Variants in ZBTB21 observed in about 807,000 individuals in gnomAD.
The protein encoded by ZBTB21 is zinc finger and BTB domain-containing protein 21.
ZBTB21 carries 10 observed loss-of-function variants against 39.8 expected under a neutral mutation model. The ratio of observed to expected loss-of-function variants is 0.25; its 90% CI spans 0.16 to 0.43. The LOEUF is 0.43. Ranked by LOEUF, ZBTB21 falls within the 20% of genes least tolerant of loss-of-function variation. The pLI, the probability that ZBTB21 is intolerant of heterozygous loss-of-function variation, is 1.00. For missense variants in ZBTB21, 1,221 were observed against 1,296.3 expected, an observed-to-expected ratio of 0.94 and a Z score of 0.89; for synonymous variants, 551 against 498.8, an observed-to-expected ratio of 1.10 and a Z score of -1.40.
rs767789060 is a variant in ZBTB21 at position 41,991,855 on chromosome 21, C to A, written c.2241G>T (p.Ala747=). Residue 747 remains alanine, a synonymous_variant, in exon 3 of 3, where the codon GCG becomes GCT. Coordinates refer to ENST00000310826, the MANE Select transcript of ZBTB21 (RefSeq NM_001098402.2). The surrounding 1 kb of genome is among the most constrained non-coding windows in gnomAD (Gnocchi z 4.9). ...TGAGGCTGCAGTAAGGGCAGACGGC[C>A]GCGTTCCGGCACAGCCGCTCGTGGC... is the stretch of plus-strand genomic sequence containing the variant. ...QGSHERLCRN[A]AVCPYCSLRF... 6 of 1,614,080 alleles carry A rather than the reference C, an allele frequency of 3.7e-6. No individual in the cohort carries two copies. In the African/African-American group the frequency reaches 6.7e-5, roughly 18 times the overall value.
At chr21:42,003,698 T>C (rs1208385201) in intron 1 of ZBTB21, among the ~76,000 whole-genome samples, 2 of 152,210 alleles carry the variant, frequency 1.3e-5, no homozygotes, top group Non-Finnish European at 2.9e-5. Context: ...ATGAGAATAT[T>C]TCAAAATCCC....
intron 1 of ZBTB21, among the ~76,000 whole-genome samples, chr21:42,006,601 T>C (rs1329527700): frequency 1.3e-5 from 2 of 152,106 alleles, no homozygotes; most frequent in East Asian, 3.8e-4. Context: ...ACTCAGAATA[T>C]TAATCACCTT....
intron 2 of ZBTB21, among the ~76,000 whole-genome samples, chr21:41,996,835 C>T (rs1310467117): frequency 6.6e-6 from 1 of 152,160 alleles, no homozygotes; most frequent in South Asian, 2.1e-4. Flanking sequence ...TTCTTATGCT[C>T]TTCTTGTGAT....
chr21:41,994,845 G>C (rs986322052), intron 2 of ZBTB21, among the ~76,000 whole-genome samples: 1 of 152,204 alleles, frequency 6.6e-6, no homozygotes, highest in Non-Finnish European at 1.5e-5. Flanking sequence ...CCCAGTGGGA[G>C]GTAACTGAAT....
intron 2 of ZBTB21, chr21:42,002,373 C>T (rs1382249675): frequency 1.3e-5 from 2 of 152,222 alleles, no homozygotes; most frequent in East Asian, 3.9e-4. Flanking sequence ...ATGCTCCATC[C>T]ATCAAGAATG....
rs770924280 is a variant in ZBTB21 at position 41,991,079 on chromosome 21, C to T, written c.3017G>A (p.Gly1006Asp). The T allele has an allele frequency of 2.5e-6, 4 of 1,609,952 alleles. No individual in the cohort carries two copies. In the South Asian group the frequency reaches 3.3e-5, roughly 13 times the overall value. The change falls in exon 3 of 3, where the codon GGC (glycine) becomes GAC (aspartate). Residue 1006 changes from glycine to aspartate, a missense_variant. Physicochemically the swap from Gly to Asp is moderately conservative, Grantham distance 94. This residue lies in a region of ZBTB21 where 523 missense variants were observed against 542.5 expected (regional missense o/e 0.96). Coordinates refer to ENST00000310826, the MANE Select transcript of ZBTB21 (RefSeq NM_001098402.2). The surrounding 1 kb of genome is among the most constrained non-coding windows in gnomAD (Gnocchi z 4.9). ...IQPLEPDSPT[G>D]LSENPTPATE... ...GGCTGGAGTTGGGTTTTCGGACAGGCCTGTGGGGCTGTCAGGCTCCAGAGG... is the reference window on the plus strand; with the variant it reads ...GGCTGGAGTTGGGTTTTCGGACAGGTCTGTGGGGCTGTCAGGCTCCAGAGG...
At chr21:42,006,809 G>A (rs1054694242) in intron 1 of ZBTB21, among the ~76,000 whole-genome samples, 1 of 152,216 alleles carries the variant, frequency 6.6e-6, no homozygotes, top group African/African-American at 2.4e-5. Flanking sequence ...CTAAACTGAT[G>A]TAACTGGTGT....
chr21:41,994,537 T>C (rs1005860323), intron 2 of ZBTB21, among the ~76,000 whole-genome samples: 2 of 152,234 alleles, frequency 1.3e-5, no homozygotes, highest in Non-Finnish European at 2.9e-5. Context: ...GCTTTATTAC[T>C]ACATATACTT....
At chr21:42,006,325 G>A (rs2065877872) in intron 1 of ZBTB21, among the ~76,000 whole-genome samples, 1 of 151,680 alleles carries the variant, frequency 6.6e-6, no homozygotes, top group African/African-American at 2.4e-5. Context: ...TGAGGCAGGA[G>A]AATCGCTTGA....
At position 41,987,014 on chromosome 21, in the gene ZBTB21, TCTG is replaced by T. The variant is rs557850640; in HGVS notation, c.*3878_*3880del. 3.9e-5 allele frequency: 6 copies of T among 152,794 alleles called. No individual in the cohort carries two copies. The South Asian group carries it at 1.2e-3, about 32-fold the overall frequency. 9.5% of individuals were successfully genotyped at this position (152,794 alleles called of 1,614,324 possible). The stretch of plus-strand genomic sequence containing the variant: ...TAAGTAAAATGGAAAAATGACTTAC[TCTG>T]CTAAGGCATATGACAAAATACACAG... On this transcript the variant is annotated 3_prime_UTR_variant, in exon 3 of 3. Transcript: ENST00000310826.
chr21:42,007,364 A>G (rs184129918), intron 1 of ZBTB21, among the ~76,000 whole-genome samples: 271 of 152,276 alleles, frequency 1.8e-3, no homozygotes, highest in Non-Finnish European at 3.2e-3. Context: ...TTCTATTCCT[A>G]AAGAAAATCC....
At chr21:42,007,667 C>A (rs2146349580) in intron 1 of ZBTB21, among the ~76,000 whole-genome samples, 1 of 152,330 alleles carries the variant, frequency 6.6e-6, no homozygotes, top group Middle Eastern at 3.4e-3. Flanking sequence ...AATTAATCTT[C>A]TTTTACATGT....
At position 41,993,572 on chromosome 21, in the gene ZBTB21, C is replaced by T. The variant is rs753169498; in HGVS notation, c.524G>A (p.Arg175Gln). Residue 175 changes from arginine (R) to glutamine (Q), a missense_variant, in exon 3 of 3, where the codon CGG (arginine) becomes CAG (glutamine). This residue lies in a region of ZBTB21 where 500 missense variants were observed against 465.6 expected (regional missense o/e 1.07). Transcript: ENST00000310826. ...CTTGACTGCAATGCTAGGAGAGGGC[C>T]GGGAAGTATGGCTTACATCGGGTTG... ...QNQPDVSHTS[R>Q]PSPSIAVKAN... The T allele has an allele frequency of 2.2e-5, 36 of 1,614,054 alleles. No individual in the cohort carries two copies. The highest frequency in any genetic ancestry group is 1.6e-4 in the Middle Eastern group (1 of 6,084).
At position 41,991,513 on chromosome 21, in the gene ZBTB21, G is replaced by A. The variant is rs1257603854; in HGVS notation, c.2583C>T (p.Ser861=). ...SEQVNFDSED[S]SCLPEDLSLS... is the part of the protein sequence containing the mutation. ...GACTAAGGTCTTCGGGAAGACAAGA[G>A]GAATCTTCCGAGTCGAAGTTAACTT... is the stretch of plus-strand genomic sequence containing the variant. The change falls in exon 3 of 3, where the codon TCC becomes TCT. Residue 861 remains serine, a synonymous_variant. Transcript: ENST00000310826. This position sits in a 1 kb window ranked among gnomAD's most constrained non-coding sequence, Gnocchi z 4.9. 1.9e-6 allele frequency: 3 copies of A among 1,614,074 alleles called. No individual in the cohort carries two copies. The highest frequency in any genetic ancestry group is 2.5e-6 in the Non-Finnish European group (3 of 1,180,050).
chr21:41,991,774 C>T lies in ZBTB21; in HGVS notation c.2322G>A (p.Lys774=). ...TGCGCATGCACTCGAGGCAGGTCAG[C>T]TTCTTATACTCACACTTGCTCTCGT... The part of the protein sequence containing the change: ...QEHESKCEYK[K]LTCLECMRTF... Residue 774 remains lysine, a synonymous_variant, in exon 3 of 3, where the codon AAG becomes AAA. Transcript: ENST00000310826. The surrounding 1 kb of genome is among the most constrained non-coding windows in gnomAD (Gnocchi z 4.9). The T allele has an allele frequency of 1.2e-6, 2 of 1,614,228 alleles. No individual in the cohort carries two copies. The highest frequency in any genetic ancestry group is 1.7e-6 in the Non-Finnish European group (2 of 1,180,054).
Position 41,991,722 on chromosome 21 carries a change from G to A in ZBTB21, c.2374C>T (p.Arg792Trp), listed in dbSNP as rs1219915702. Residue 792 changes from arginine to tryptophan, a missense_variant, in exon 3 of 3, where the codon CGG becomes TGG. Coordinates refer to ENST00000310826, the MANE Select transcript of ZBTB21 (RefSeq NM_001098402.2). This position sits in a 1 kb window ranked among gnomAD's most constrained non-coding sequence, Gnocchi z 4.9. ...RTFKSSFSIWRHQVEVHNQNN... is the reference protein window; with the variant it reads ...RTFKSSFSIWWHQVEVHNQNN... ...TGATTATGGACTTCAACCTGGTGCCGCCAGATGCTGAAAGAGGACTTGAAG... is the reference window on the plus strand; with the variant it reads ...TGATTATGGACTTCAACCTGGTGCCACCAGATGCTGAAAGAGGACTTGAAG... The A allele has an allele frequency of 5.6e-6, 9 of 1,614,084 alleles. No homozygotes were observed. The highest frequency in any genetic ancestry group is 2.2e-5 in the East Asian group (1 of 44,900).
rs746025143 is a variant in ZBTB21, at chr21:41,991,169, G to C, written c.2927C>G (p.Pro976Arg). 6.2e-7 allele frequency: 1 copy of C among 1,614,178 alleles called. No homozygotes were observed. Among genetic ancestry groups the C allele is most frequent in the Non-Finnish European group, 8.5e-7 (1 of 1,180,044 alleles). Residue 976 changes from proline to arginine, a missense_variant, in exon 3 of 3, where the codon CCT (proline) becomes CGT (arginine). Coordinates refer to ENST00000310826, the MANE Select transcript of ZBTB21 (RefSeq NM_001098402.2). This position sits in a 1 kb window ranked among gnomAD's most constrained non-coding sequence, Gnocchi z 4.9. ...ESAHKESEVC[P>R]VPTNSPSPPP... is the part of the protein sequence containing the mutation. ...TGGAGAGGGAGAGTTTGTGGGAACA[G>C]GGCACACCTCAGATTCCTTATGTGC...
rs1179177788 is a variant in ZBTB21, at chr21:41,987,236, CAA to C, written c.*3657_*3658del. ...ATTTACAGTAAAATACTTTGGTTCC[CAA>C]AAGACTGTCTCTAAAAGGAATTTTT... On this transcript the variant is annotated 3_prime_UTR_variant, in exon 3 of 3. Coordinates refer to ENST00000310826, the MANE Select transcript of ZBTB21 (RefSeq NM_001098402.2). The C allele has an allele frequency of 6.6e-6, 1 of 152,086 alleles. No individual in the cohort carries two copies. Among genetic ancestry groups the C allele is most frequent in the African/African-American group, 2.4e-5 (1 of 41,426 alleles). 9.4% of individuals were successfully genotyped at this position (152,086 alleles called of 1,614,324 possible). A position where few individuals can be genotyped will look rare whatever the true frequency, so the allele number is the denominator to read the frequency against.
intron 2 of ZBTB21, among the ~76,000 whole-genome samples, chr21:41,996,992 G>A (rs2065755098): frequency 6.6e-6 from 1 of 152,202 alleles, no homozygotes; most frequent in Non-Finnish European, 1.5e-5. Context: ...ATGGACCTGT[G>A]AGTCCACTGA....
Sources: gnomAD v4.1 joint callset for allele counts (sites outside exome capture counted in the v4.1 genomes callset) on GRCh38, gnomAD v4.1.1 for gene constraint, gnomAD v4.1.1 regional missense constraint, Gnocchi (gnomAD v3.1) non-coding constraint, MANE v1.5 for transcripts, NCBI Gene and HGNC (gene_info 2026-07-23, HGNC 2026-07-21) for gene names.